RNF13: variants seen among roughly 807,000 people sequenced by gnomAD.
RNF13 encodes the protein E3 ubiquitin-protein ligase RNF13.
A neutral mutation model predicts 37.7 loss-of-function variants in RNF13; 19 were observed. That is an observed-to-expected ratio of 0.50 (90% CI 0.35 to 0.74). RNF13 has a LOEUF of 0.74. RNF13 is among the 30% of genes least tolerant of loss of function. The pLI is 0.01. For synonymous variants in RNF13, 144 were observed against 157.8 expected (o/e 0.91, Z 0.65); for missense variants, 375 against 453.0 (o/e 0.83, Z 1.56).
chr3:149,814,048 T>C (rs1719173522), intron 1 of RNF13: 1 of 152,208 alleles, frequency 6.6e-6, no homozygotes, highest in Non-Finnish European at 1.5e-5. Flanking sequence ...TATTTTGTCC[T>C]AATCTGACAA....
At chr3:149,835,077 A>C (rs1418931684) in intron 1 of RNF13, among the ~76,000 whole-genome samples, 1 of 152,192 alleles carries the variant, frequency 6.6e-6, no homozygotes, top group East Asian at 1.9e-4. Flanking sequence ...TTAGAGGAAA[A>C]CATAAAGAAA....
Position 149,901,961 on chromosome 3 carries a change from A to G in RNF13, c.410-111A>G, listed in dbSNP as rs1715890215. 3.3e-5 allele frequency: 16 copies of G among 484,658 alleles called. No homozygotes were observed. In the South Asian group the frequency reaches 6.0e-4, roughly 18 times the overall value. The allele number at this position is 484,658 out of a possible 1,614,324, so 30.0% of individuals were successfully genotyped here. A position where few individuals can be genotyped will look rare whatever the true frequency, so the allele number is the denominator to read the frequency against. On this transcript the variant is annotated intron_variant, in intron 5 of 9. Transcript: ENST00000392894. ...AATCTGGAAAATCAAGCAATAGACA[A>G]TTAAAGTTGATTGTAATTGTTTCCA... is the stretch of plus-strand genomic sequence containing the variant.
chr3:149,957,501 A>G (rs1013979065), intron 8 of RNF13, among the ~76,000 whole-genome samples: 2 of 152,194 alleles, frequency 1.3e-5, no homozygotes, highest in Non-Finnish European at 2.9e-5. Flanking sequence ...TAACTAAATT[A>G]CATAATTACC....
intron 2 of RNF13, among the ~76,000 whole-genome samples, chr3:149,849,982 A>ATT (rs752045812): frequency 3.5e-5 from 5 of 143,804 alleles, no homozygotes; most frequent in South Asian, 2.2e-4. Context: ...TCTACTTCAG[A>ATT]TTTTTTTTTT....
intron 4 of RNF13, among the ~76,000 whole-genome samples, chr3:149,894,378 C>T (rs1016142355): frequency 6.6e-6 from 1 of 152,140 alleles, no homozygotes; most frequent in Non-Finnish European, 1.5e-5. Context: ...ATTGCACATC[C>T]TTTTTACATT....
chr3:149,890,467 A>G (rs946651285), intron 4 of RNF13, among the ~76,000 whole-genome samples: 1 of 152,212 alleles, frequency 6.6e-6, no homozygotes, highest in African/African-American at 2.4e-5. Context: ...AACTCTTAGT[A>G]TGTGCCAGGT....
At chr3:149,878,836 A>G (rs1185969262) in intron 4 of RNF13, among the ~76,000 whole-genome samples, 3 of 152,142 alleles carry the variant, frequency 2.0e-5, no homozygotes, top group African/African-American at 4.8e-5. Flanking sequence ...GAGAAAGGGT[A>G]TTTTGTGTCC....
rs190685352 is a variant in RNF13, at chr3:149,960,561, C to T, written c.782-179C>T. On this transcript the variant is annotated intron_variant, in intron 9 of 9. Transcript: ENST00000392894. The stretch of plus-strand genomic sequence containing the variant: ...GAGCTGAGATTGTGCCACTGCACTC[C>T]AGCCTGGGTGACAGAGCAAGACTCC... Among the ~76,000 whole-genome samples, 94 of 151,854 alleles carry T rather than the reference C, an allele frequency of 6.2e-4. 1 individual carries two copies. In the East Asian group the frequency reaches 0.016, roughly 26 times the overall value.
intron 8 of RNF13, 43 bp downstream of exon 8, chr3:149,921,270 G>C (rs548331987): frequency 1.1e-5 from 10 of 904,458 alleles, no homozygotes; most frequent in Non-Finnish European, 1.6e-5. Flanking sequence ...GTTTATTTAA[G>C]ACTGCAGGGT....
intron 1 of RNF13, among the ~76,000 whole-genome samples, chr3:149,831,460 G>C (rs1006000447): frequency 6.6e-6 from 1 of 152,228 alleles, no homozygotes; most frequent in Non-Finnish European, 1.5e-5. Flanking sequence ...TTGCTCTGCT[G>C]TAAAATTTCA....
chr3:149,887,918 T>G (rs1251985068), intron 4 of RNF13, among the ~76,000 whole-genome samples: 1 of 152,198 alleles, frequency 6.6e-6, no homozygotes, highest in Admixed American at 6.5e-5. Context: ...TTTAAAATAA[T>G]ATGAAGCCAA....
At chr3:149,941,163 G>A (rs1228762496) in intron 8 of RNF13, among the ~76,000 whole-genome samples, 1 of 152,010 alleles carries the variant, frequency 6.6e-6, no homozygotes, top group Non-Finnish European at 1.5e-5. Context: ...CATGAACATG[G>A]GTGAAAATTT....
rs1259392393 is a variant in RNF13, at chr3:149,834,045, ATAAAT to A, written c.-16-11961_-16-11957del. Among the ~76,000 whole-genome samples the A allele has an allele frequency of 5.3e-5, 8 of 152,230 alleles. No individual in the cohort carries two copies. The East Asian group carries it at 1.5e-3, about 29-fold the overall frequency. ...CAATATCAACAAAAATAAAATAGTA[ATAAAT>A]TAAACCAAGGAGGTGGAAGAATTGT... On this transcript the variant is annotated intron_variant, in intron 1 of 9. Transcript: ENST00000392894.
At chr3:149,935,680 A>C (rs1294967926) in intron 8 of RNF13, among the ~76,000 whole-genome samples, 4 of 152,168 alleles carry the variant, frequency 2.6e-5, no homozygotes, top group Non-Finnish European at 5.9e-5. Flanking sequence ...TTCATCCCCC[A>C]CACACATTTT....
intron 8 of RNF13, among the ~76,000 whole-genome samples, chr3:149,946,259 A>G (rs576349166): frequency 6.6e-6 from 1 of 152,250 alleles, no homozygotes; most frequent in East Asian, 1.9e-4. Flanking sequence ...CATGAGAACT[A>G]CATGACAGAT....
chr3:149,938,761 C>A (rs1192954483), intron 8 of RNF13, among the ~76,000 whole-genome samples: 2 of 151,936 alleles, frequency 1.3e-5, no homozygotes, highest in Non-Finnish European at 2.9e-5. Flanking sequence ...CTACTATGTC[C>A]TATCATAACA....
chr3:149,868,094 T>C (rs1376588730), intron 3 of RNF13, among the ~76,000 whole-genome samples: 1 of 151,906 alleles, frequency 6.6e-6, no homozygotes, highest in African/African-American at 2.4e-5. Context: ...TTTTGGCTTT[T>C]AGTTGTCTCA....
At chr3:149,928,669 T>G (rs1718886634) in intron 8 of RNF13, among the ~76,000 whole-genome samples, 1 of 152,186 alleles carries the variant, frequency 6.6e-6, no homozygotes, top group Non-Finnish European at 1.5e-5. Context: ...AATTCCATAA[T>G]AACTTGAGAA....
intron 1 of RNF13, chr3:149,822,448 A>G (rs1196500719): frequency 6.6e-6 from 1 of 152,112 alleles, no homozygotes; most frequent in Admixed American, 6.6e-5. Context: ...GTATGTAGAA[A>G]CACAATGGAT....
Sources: gnomAD v4.1 joint callset for allele counts (sites outside exome capture counted in the v4.1 genomes callset) on GRCh38, gnomAD v4.1.1 for gene constraint, MANE v1.5 for transcripts, NCBI Gene and HGNC (gene_info 2026-07-23, HGNC 2026-07-21) for gene names.